PDRG1: variants seen among roughly 807,000 people sequenced by gnomAD.
PDRG1 encodes the protein p53 and DNA damage regulated 1, also known as p53 and DNA damage-regulated protein 1.
A neutral mutation model predicts 18.4 loss-of-function variants in PDRG1; 14 were observed. That is an observed-to-expected ratio of 0.76 (90% confidence interval 0.50 to 1.19). PDRG1 has a LOEUF of 1.19. PDRG1 is among the 50% of genes most tolerant of loss of function. PDRG1 has a pLI of 0.00. For missense variants in PDRG1, 177 were observed against 160.1 expected (o/e 1.11, Z -0.57); for synonymous variants, 65 against 60.9 (o/e 1.07, Z -0.31).
In PDRG1 at chr20:31,946,482, T is replaced by TGC. The variant is rs781735664; in HGVS notation, c.319+12_319+13dup. 1.3e-6 allele frequency: 2 copies of TGC among 1,588,642 alleles called. No homozygotes were observed. Among genetic ancestry groups the TGC allele is most frequent in the South Asian group, 2.2e-5 (2 of 90,492 alleles). ...CCCTCCCCTTCTTATCTCCAGTCCC[T>TGC]GCTAAGCCAATACCTTGGGCCTCAA... On this transcript the variant is annotated intron_variant, in intron 4 of 4. Coordinates refer to ENST00000202017, the MANE Select transcript of PDRG1 (RefSeq NM_030815.3).
In PDRG1 at chr20:31,945,795, G is replaced by A; in HGVS notation, c.*12C>T. ...TGGGGGGTTGCTGGTCCCCCATCTT[G>A]GTTCTTGAGTCTCATCCTTTCAAGA... On this transcript the variant is annotated 3_prime_UTR_variant, in exon 5 of 5. Coordinates refer to ENST00000202017, the MANE Select transcript of PDRG1 (RefSeq NM_030815.3). The A allele has an allele frequency of 6.2e-7, 1 of 1,609,548 alleles. No homozygotes were observed. The highest frequency in any genetic ancestry group is 8.5e-7 in the Non-Finnish European group (1 of 1,176,126).
rs1208301099 is a variant in PDRG1, at chr20:31,948,880, C to T, written c.166G>A (p.Asp56Asn). 1.2e-6 allele frequency: 2 copies of T among 1,613,528 alleles called. No individual in the cohort carries two copies. The highest frequency in any genetic ancestry group is 1.7e-6 in the Non-Finnish European group (2 of 1,179,776). Reference sequence around the variant, plus strand: ...ATGTTCCCGAAGCAAACCATCACATCTTCTGAAAGAGCAAATAGTAATTCC... The same window carrying T: ...ATGTTCCCGAAGCAAACCATCACATTTTCTGAAAGAGCAAATAGTAATTCC... ...ALQKDLSLSE[D>N]VMVCFGNMFI... Residue 56 changes from aspartate (D) to asparagine (N), a missense_variant and splice_region_variant, in exon 3 of 5, where the codon GAT (aspartate) becomes AAT (asparagine). Physicochemically the swap from Asp to Asn is conservative, Grantham distance 23. Coordinates refer to ENST00000202017, the MANE Select transcript of PDRG1 (RefSeq NM_030815.3).
At chr20:31,951,714 A>G (rs1265015443) in intron 1 of PDRG1, among the ~76,000 whole-genome samples, 161 bp downstream of exon 1, 1 of 152,268 alleles carries the variant, frequency 6.6e-6, no homozygotes, top group Non-Finnish European at 1.5e-5. Flanking sequence ...AGGAATGTCC[A>G]GCATAGCGCA....
At chr20:31,951,055 T>C (rs1236153671) in intron 1 of PDRG1, among the ~76,000 whole-genome samples, 1 of 152,340 alleles carries the variant, frequency 6.6e-6, no homozygotes, top group South Asian at 2.1e-4. Flanking sequence ...ACATAGTAAG[T>C]AGCTGATAAA....
chr20:31,946,370 AG>A, intron 4 of PDRG1, 125 bp downstream of exon 4: 1 of 857,474 alleles, frequency 1.2e-6, no homozygotes, highest in East Asian at 2.4e-5. Context: ...GCACACCTCC[AG>A]GGCCACTCAC....
In PDRG1 at chr20:31,951,979, C is replaced by T. The variant is rs367654316; in HGVS notation, c.-18G>A. 5 of 1,539,240 alleles carry T rather than the reference C, an allele frequency of 3.2e-6. No individual in the cohort carries two copies. The highest frequency in any genetic ancestry group is 1.2e-5 in the South Asian group (1 of 81,950). On this transcript the variant is annotated 5_prime_UTR_variant, in exon 1 of 5. Transcript: ENST00000202017. ...GATAGCATAGCGCCCACCAACTCCG[C>T]TTGCGGCTCTCGCGCGACCCCGGGA...
intron 4 of PDRG1, 84 bp downstream of exon 4, chr20:31,946,412 G>T: frequency 7.7e-7 from 1 of 1,295,328 alleles, no homozygotes; most frequent in Non-Finnish European, 1.1e-6. Context: ...CATCTCTGAG[G>T]GTCGGACTTC....
At position 31,944,551 on chromosome 20, in the gene PDRG1, C is replaced by G. The variant is rs1600642466; in HGVS notation, c.*1256G>C. ...AAGACACCAGCCTTCCCCTTGCTTT[C>G]CTCACTTGATGTATCTTGGAGCTTG... On this transcript the variant is annotated 3_prime_UTR_variant, in exon 5 of 5. Transcript: ENST00000202017. 6.6e-6 allele frequency: 1 copy of G among 152,440 alleles called. No homozygotes were observed. The highest frequency in any genetic ancestry group is 2.1e-4 in the South Asian group (1 of 4,830). 9.4% of individuals were successfully genotyped at this position (152,440 alleles called of 1,614,324 possible).
Position 31,948,814 on chromosome 20 carries a change from C to G in PDRG1, c.232G>C (p.Glu78Gln). The G allele has an allele frequency of 6.2e-7, 1 of 1,613,418 alleles. No individual in the cohort carries two copies. The highest frequency in any genetic ancestry group is 2.2e-5 in the East Asian group (1 of 44,838). ...CATCCCCAGGAGGCCTTACCTTTTT[C>G]AATCATTTCCTTTGTCTCAGGGTGA... The part of the protein sequence containing the change: ...MPHPETKEMI[E>Q]KDQDHLDKEI... Residue 78 changes from glutamate to glutamine, a missense_variant, in exon 3 of 5, where the codon GAA becomes CAA. Coordinates refer to ENST00000202017, the MANE Select transcript of PDRG1 (RefSeq NM_030815.3).
chr20:31,947,458 C>G (rs2064326140), intron 3 of PDRG1, among the ~76,000 whole-genome samples: 2 of 152,336 alleles, frequency 1.3e-5, no homozygotes, highest in South Asian at 4.1e-4. Flanking sequence ...ATCCTGAACC[C>G]AGGCAAGGGA....
At chr20:31,948,636 A>G (rs564143795) in intron 3 of PDRG1, among the ~76,000 whole-genome samples, 172 bp downstream of exon 3, 1 of 152,286 alleles carries the variant, frequency 6.6e-6, no homozygotes, top group South Asian at 2.1e-4. Context: ...CCTCTTAGAG[A>G]TGAGGAAATA....
At chr20:31,948,686 C>T in intron 3 of PDRG1, 122 bp downstream of exon 3, 3 of 883,722 alleles carry the variant, frequency 3.4e-6, no homozygotes, top group Non-Finnish European at 1.8e-6. Context: ...CCACAGCAGT[C>T]TGAACCCTGT....
intron 4 of PDRG1, 71 bp from the exon 5 acceptor site, chr20:31,945,960 C>T: frequency 7.7e-7 from 1 of 1,306,564 alleles, no homozygotes; most frequent in Non-Finnish European, 1.1e-6. Flanking sequence ...AGGAAAGGGG[C>T]TGACGCTGCA....
chr20:31,948,745 G>A, intron 3 of PDRG1, 63 bp downstream of exon 3: 1 of 1,475,172 alleles, frequency 6.8e-7, no homozygotes, highest in Non-Finnish European at 9.3e-7. Flanking sequence ...TCCCTGTTCT[G>A]GGTTAAGACC....
At chr20:31,951,769 T>C in intron 1 of PDRG1, 106 bp downstream of exon 1, 3 of 1,231,152 alleles carry the variant, frequency 2.4e-6, no homozygotes, top group Non-Finnish European at 3.3e-6. Context: ...CCCAGGTCTG[T>C]CGCCTCGGAG....
intron 4 of PDRG1, 42 bp from the exon 5 acceptor site, chr20:31,945,931 T>C: frequency 1.3e-6 from 2 of 1,548,932 alleles, no homozygotes; most frequent in Non-Finnish European, 1.8e-6. Context: ...GGCCTCCTGC[T>C]GGCTCTGGAG....
chr20:31,951,648 C>CA (rs2064353026), intron 1 of PDRG1, among the ~76,000 whole-genome samples: 1 of 152,192 alleles, frequency 6.6e-6, no homozygotes, highest in African/African-American at 2.4e-5. Flanking sequence ...CGGCCCAGAG[C>CA]ATGATGGGTC....
chr20:31,948,913 A>AT lies in PDRG1; in HGVS notation c.164-32dup, dbSNP rs200283565. On this transcript the variant is annotated intron_variant, in intron 2 of 4. Coordinates refer to ENST00000202017, the MANE Select transcript of PDRG1 (RefSeq NM_030815.3). ...AGAGCAAATAGTAATTCCTTCAACA[A>AT]TTTTTTTTTGAGTACCTATTATCTG... is the stretch of plus-strand genomic sequence containing the variant. 1.5e-3 allele frequency: 2,435 copies of AT among 1,586,828 alleles called. 4 individuals carry two copies. The highest frequency in any genetic ancestry group is 6.6e-3 in the African/African-American group (488 of 74,032).
intron 3 of PDRG1, 71 bp from the exon 4 acceptor site, chr20:31,946,647 CCAGCCTCTCCCCAG>C: frequency 1.5e-6 from 2 of 1,333,868 alleles, no homozygotes; most frequent in Non-Finnish European, 2.1e-6. Flanking sequence ...AGTGGAGAGG[CCAGCCTCTCCCCAG>C]CAAGGGCGTG....
Sources: gnomAD v4.1 joint callset for allele counts (sites outside exome capture counted in the v4.1 genomes callset) on GRCh38, gnomAD v4.1.1 for gene constraint, MANE v1.5 for transcripts, NCBI Gene and HGNC (gene_info 2026-07-23, HGNC 2026-07-21) for gene names.